RANBP2: variants seen among roughly 807,000 people sequenced by gnomAD.
RANBP2 encodes RAN binding protein 2, also known as E3 SUMO-protein ligase RanBP2.
RANBP2 carries 57 observed loss-of-function variants against 303.6 expected under a neutral mutation model. The observed-to-expected ratio is 0.19, with a 90% confidence interval of 0.15 to 0.23. The LOEUF (loss-of-function observed/expected upper bound fraction) is 0.23. RANBP2 is among the 10% of genes least tolerant of loss of function. RANBP2 has a pLI of 1.00. For missense variants in RANBP2, 3,138 were observed against 3,780.8 expected, an observed-to-expected ratio of 0.83 and a Z score of 4.46; for synonymous variants, 1,167 against 1,301.5, an observed-to-expected ratio of 0.90 and a Z score of 2.23.
intron 12 of RANBP2, among the ~76,000 whole-genome samples, chr2:108,752,409 T>C (rs1173438008): frequency 2.6e-5 from 4 of 151,848 alleles, no homozygotes; most frequent in Non-Finnish European, 5.9e-5. Context: ...TTCAGCTATC[T>C]AAAAATGGCA....
At chr2:109,342,208 C>G in the RANBP2 span, among the ~76,000 whole-genome samples, 1 of 152,202 alleles carries the variant, frequency 6.6e-6, no homozygotes, top group South Asian at 2.1e-4. Flanking sequence ...TGGGATTTTC[C>G]CCATTCCGCC....
intron 2 of RANBP2, 99 bp from the exon 3 acceptor site, chr2:108,730,675 G>A: frequency 1.2e-5 from 17 of 1,430,494 alleles, no homozygotes; most frequent in Middle Eastern, 2.5e-4. Flanking sequence ...CAATATAAAC[G>A]AGTTTAGTGG....
chr2:109,194,650 A>G, the RANBP2 span, among the ~76,000 whole-genome samples: 1 of 152,176 alleles, frequency 6.6e-6, no homozygotes, highest in Admixed American at 6.5e-5. Context: ...ACAGGAAGAG[A>G]TGGGTTTGGT....
chr2:109,545,154 T>C, the RANBP2 span: 10 of 985,046 alleles, frequency 1.0e-5, no homozygotes, highest in African/African-American at 1.7e-4. Context: ...CATGGGAGCA[T>C]GCAACGCTGC....
chr2:109,103,767 T>TATATAACTCATATATA, the RANBP2 span, among the ~76,000 whole-genome samples: 3 of 152,214 alleles, frequency 2.0e-5, no homozygotes, highest in East Asian at 5.8e-4. Context: ...GATCTAGTTA[T>TATATAACTCATATATA]GTGAATAGAG....
At chr2:109,693,410 C>T in the RANBP2 span, among the ~76,000 whole-genome samples, 22 of 152,266 alleles carry the variant, frequency 1.4e-4, no homozygotes, top group East Asian at 2.3e-3. Flanking sequence ...CCACCCGCTT[C>T]GGCCTCCCAA....
chr2:108,768,192 A>G lies in RANBP2; in HGVS notation c.7653A>G (p.Ala2551=). ...CTTTGTTTGGATTTAGTTTTAATGC[A>G]CCTTTGAAAAGTAACAATAGTGAAA... ...TGSLFGFSFN[A]PLKSNNSETS... Residue 2551 remains alanine (A), a synonymous_variant, in exon 20 of 29, where the codon GCA becomes GCG. Transcript: ENST00000283195. The G allele has an allele frequency of 6.2e-7, 1 of 1,612,042 alleles. No individual in the cohort carries two copies. The highest frequency in any genetic ancestry group is 1.1e-5 in the South Asian group (1 of 90,992).
chr2:108,772,832 C>T (rs1460389944), intron 22 of RANBP2, 36 bp from the exon 23 acceptor site: 1 of 1,604,070 alleles, frequency 6.2e-7, no homozygotes, highest in Non-Finnish European at 8.5e-7. Context: ...TGGGCTTCAT[C>T]TAATTTCGTT....
the RANBP2 span, among the ~76,000 whole-genome samples, chr2:109,203,475 T>C: frequency 6.6e-6 from 1 of 152,174 alleles, no homozygotes; most frequent in Admixed American, 6.5e-5. Context: ...AGTCGCTTCT[T>C]AGTTCCTAAG....
In RANBP2 at chr2:108,735,520, C is replaced by T. The variant is rs1355861191; in HGVS notation, c.406-12C>T. On this transcript the variant is annotated splice_polypyrimidine_tract_variant and intron_variant, in intron 4 of 28. Transcript: ENST00000283195. ...GTTACTCTAATAATTTTTCTTTTTC[C>T]CCTCTAAATAGGAACAGCTTCTAGA... is the stretch of plus-strand genomic sequence containing the variant. 6.9e-6 allele frequency: 11 copies of T among 1,597,276 alleles called. No individual in the cohort carries two copies. In the Admixed American group the frequency reaches 8.3e-5, roughly 12 times the overall value.
the RANBP2 span, among the ~76,000 whole-genome samples, chr2:108,847,983 A>C: frequency 6.6e-6 from 1 of 152,148 alleles, no homozygotes; most frequent in Non-Finnish European, 1.5e-5. Flanking sequence ...CCTATCTCCA[A>C]ATCTTAAAAA....
the RANBP2 span, among the ~76,000 whole-genome samples, chr2:109,420,869 C>T: frequency 6.6e-6 from 1 of 152,210 alleles, no homozygotes; most frequent in Non-Finnish European, 1.5e-5. Context: ...AAACACCAGC[C>T]TTTCTTAAGT....
the RANBP2 span, among the ~76,000 whole-genome samples, chr2:109,318,728 G>A: frequency 1.3e-5 from 2 of 152,252 alleles, no homozygotes; most frequent in Admixed American, 6.5e-5. Context: ...CTGGCCAGCC[G>A]CCAGATACTG....
the RANBP2 span, among the ~76,000 whole-genome samples, chr2:109,062,689 G>A: frequency 1.1e-4 from 16 of 152,276 alleles, no homozygotes; most frequent in African/African-American, 3.6e-4. Flanking sequence ...TCCGAACAGC[G>A]AATCCTCATG....
chr2:109,658,883 G>T, the RANBP2 span, among the ~76,000 whole-genome samples: 1 of 152,092 alleles, frequency 6.6e-6, no homozygotes, highest in Non-Finnish European at 1.5e-5. Flanking sequence ...TGGCCAACAT[G>T]GTGAAACCCT....
At chr2:108,783,131 G>T (rs72833193) in intron 28 of RANBP2, among the ~76,000 whole-genome samples, 10,327 of 151,630 alleles carry the variant, frequency 0.068, 467 homozygotes, top group Middle Eastern at 0.099. Context: ...TTGAGCCCCG[G>T]AATTTGAGAC....
chr2:109,158,206 T>C, the RANBP2 span, among the ~76,000 whole-genome samples: 1 of 152,118 alleles, frequency 6.6e-6, no homozygotes, highest in Non-Finnish European at 1.5e-5. Flanking sequence ...AAATGATTGC[T>C]CTGGGGAGGA....
chr2:108,923,834 G>T, the RANBP2 span, among the ~76,000 whole-genome samples: 1 of 152,240 alleles, frequency 6.6e-6, no homozygotes, highest in Non-Finnish European at 1.5e-5. Flanking sequence ...CCTTCCTGGA[G>T]GAGGAACATG....
chr2:108,729,411 C>G (rs826531), intron 2 of RANBP2, among the ~76,000 whole-genome samples: 39,276 of 151,976 alleles, frequency 0.26, 5,432 homozygotes, highest in African/African-American at 0.35. Context: ...CTGCTTTATA[C>G]CAAGGGCAAG....
Sources: allele counts gnomAD v4.1 joint callset (sites outside exome capture counted in the v4.1 genomes callset), GRCh38; gene constraint gnomAD v4.1.1; transcripts MANE v1.5; gene names NCBI Gene and HGNC (gene_info 2026-07-23, HGNC 2026-07-21).